The following DGKA variants were observed in gnomAD, a reference collection of about 807,000 sequenced individuals.
The protein encoded by DGKA is diacylglycerol kinase alpha, also known as 80 kDa diacylglycerol kinase.
DGKA carries 35 observed loss-of-function variants against 105.0 expected under a neutral mutation model. That is an observed-to-expected ratio of 0.33 (90% CI 0.25 to 0.44). The LOEUF is 0.44. DGKA is among the 20% of genes least tolerant of loss of function. The probability of loss-of-function intolerance (pLI) is 1.00; values close to 1 mark genes in which losing one functional copy is unlikely to be tolerated. For synonymous variants in DGKA, 296 were observed against 332.0 expected, an observed-to-expected ratio of 0.89 and a Z score of 1.18; for missense variants, 665 against 915.0, an observed-to-expected ratio of 0.73 and a Z score of 3.53.
intron 17 of DGKA, among the ~76,000 whole-genome samples, chr12:55,944,405 C>G (rs1369756302): frequency 6.6e-6 from 1 of 152,188 alleles, no homozygotes; most frequent in Non-Finnish European, 1.5e-5. Flanking sequence ...AAGATCGAGG[C>G]TGTAGTGAGC....
upstream of DGKA, chr12:55,929,164 G>C (rs1455541804): frequency 3.3e-5 from 5 of 152,154 alleles, no homozygotes; most frequent in Non-Finnish European, 7.3e-5. Flanking sequence ...TAAATAAAAA[G>C]TATTTGCATA....
chr12:55,952,692 A>T lies in DGKA; in HGVS notation c.1744-42A>T. The stretch of plus-strand genomic sequence containing the variant: ...TCTATGATCATGCCATGAGGTGAGG[A>T]TCTGTACCCTCCCTAACTGGGACTG... On this transcript the variant is annotated intron_variant, in intron 20 of 23. Coordinates refer to ENST00000331886, the MANE Select transcript of DGKA (RefSeq NM_001345.5). The surrounding 1 kb of genome is among the most constrained non-coding windows in gnomAD (Gnocchi z 5.1). 1 of 1,607,326 alleles carries T rather than the reference A, an allele frequency of 6.2e-7. No homozygotes were observed. Among genetic ancestry groups the T allele is most frequent in the Non-Finnish European group, 8.5e-7 (1 of 1,174,540 alleles).
chr12:55,938,331 C>T, intron 5 of DGKA, 180 bp from the exon 6 acceptor site: 1 of 802,886 alleles, frequency 1.2e-6, no homozygotes, highest in Non-Finnish European at 2.0e-6. Context: ...GACACATTCA[C>T]TGAGGGTAGA....
In DGKA at chr12:55,937,013, C is replaced by A; in HGVS notation, c.65-4C>A. 6.2e-7 allele frequency: 1 copy of A among 1,613,872 alleles called. No homozygotes were observed. The highest frequency in any genetic ancestry group is 1.1e-5 in the South Asian group (1 of 91,068). ...GCTGTTCTCTTACTCTCTCTACACC[C>A]TAGACTCCACCAAAAAGGTCAGTGA... On this transcript the variant is annotated splice_polypyrimidine_tract_variant and splice_region_variant and intron_variant, in intron 2 of 23. Transcript: ENST00000331886.
chr12:55,951,961 G>A (rs1269861558), intron 18 of DGKA, 74 bp from the exon 19 acceptor site: 1 of 1,573,388 alleles, frequency 6.4e-7, no homozygotes, highest in Non-Finnish European at 8.7e-7. Flanking sequence ...AGCAGCATGG[G>A]GACTTGGGAA....
upstream of DGKA, chr12:55,927,670 C>G (rs528099208): frequency 5.9e-6 from 9 of 1,534,210 alleles, no homozygotes; most frequent in Middle Eastern, 2.3e-4. Flanking sequence ...CCCACTCAAC[C>G]ACCAGAGACC....
At position 55,942,182 on chromosome 12, in the gene DGKA, AAC is replaced by A; in HGVS notation, c.1346_1347del (p.Asn449IlefsTer17). ...TTCACCTGCCTCCGCAGACAAAGCTAACTTGCCAGTTTTGCCTCCTGTTGCTG... is the reference window on the plus strand; with the variant it reads ...TTCACCTGCCTCCGCAGACAAAGCTATTGCCAGTTTTGCCTCCTGTTGCTG... ...GWILETIDKA[N>X]LPVLPPVAVL... On this transcript the variant is annotated frameshift_variant, in exon 17 of 24. Coordinates refer to ENST00000331886, the MANE Select transcript of DGKA (RefSeq NM_001345.5). LOFTEE classifies it high-confidence loss of function. 6.2e-7 allele frequency: 1 copy of A among 1,614,220 alleles called. No homozygotes were observed.
chr12:55,953,113 C>G lies in DGKA; in HGVS notation c.2016C>G (p.Leu672=), dbSNP rs369533907. The G allele has an allele frequency of 1.6e-5, 26 of 1,613,996 alleles. No homozygotes were observed. Among genetic ancestry groups the G allele is most frequent in the Non-Finnish European group, 1.9e-5 (22 of 1,180,040 alleles). ...AIEMGQIYTK[L]KNAGRRLAKC... is the part of the protein sequence containing the mutation. ...AGATGGGCCAAATCTATACCAAGCT[C>G]AAGAATGCTGGACGTCGGCTGGCCA... Residue 672 remains leucine (L), a synonymous_variant, in exon 22 of 24, where the codon CTC becomes CTG. Coordinates refer to ENST00000331886, the MANE Select transcript of DGKA (RefSeq NM_001345.5).
At chr12:55,928,055 T>A (rs1010257283), upstream of DGKA, 5 of 459,968 alleles carry the variant, frequency 1.1e-5, no homozygotes. Context: ...AGTCCTGCCC[T>A]GCGCCGTACC....
Position 55,940,031 on chromosome 12 carries a change from A to G in DGKA, c.710-51A>G. 1 of 1,509,130 alleles carries G rather than the reference A, an allele frequency of 6.6e-7. No homozygotes were observed. Among genetic ancestry groups the G allele is most frequent in the Non-Finnish European group, 9.2e-7 (1 of 1,085,382 alleles). The allele number at this position is 1,509,130 out of a possible 1,614,324, so 93.5% of individuals were successfully genotyped here. A position where few individuals can be genotyped will look rare whatever the true frequency, so the allele number is the denominator to read the frequency against. ...CTGCCTCACCCTCAGGTAAGAAGGA[A>G]ATAGGGGGAGAGGCTCAGCTAAGCC... On this transcript the variant is annotated intron_variant, in intron 9 of 23. Coordinates refer to ENST00000331886, the MANE Select transcript of DGKA (RefSeq NM_001345.5). This position sits in a 1 kb window ranked among gnomAD's most constrained non-coding sequence, Gnocchi z 4.3.
At chr12:55,927,337 C>G, upstream of DGKA, 1 of 750,938 alleles carries the variant, frequency 1.3e-6, no homozygotes, top group Non-Finnish European at 2.3e-6. Flanking sequence ...GCGCTTGCTG[C>G]CTGTAAAACA....
At chr12:55,944,246 G>A (rs1886568203) in intron 17 of DGKA, among the ~76,000 whole-genome samples, 1 of 152,188 alleles carries the variant, frequency 6.6e-6, no homozygotes, top group Non-Finnish European at 1.5e-5. Flanking sequence ...GCTGCAATGA[G>A]CTATGATTGG....
chr12:55,940,331 G>T lies in DGKA; in HGVS notation c.816G>T (p.Trp272Cys). Residue 272 changes from tryptophan to cysteine, a missense_variant, in exon 11 of 24, where the codon TGG becomes TGT. Trp to Cys is a radical substitution (Grantham distance 215, BLOSUM62 -2). This residue lies in a region of DGKA where 504 missense variants were observed against 681.2 expected (regional missense o/e 0.74). Coordinates refer to ENST00000331886, the MANE Select transcript of DGKA (RefSeq NM_001345.5). The surrounding 1 kb of genome is among the most constrained non-coding windows in gnomAD (Gnocchi z 4.3). Reference sequence around the variant, plus strand: ...TCCCCAAGGTCCAATCACATGTGTGGGTGCGAGGAGGCTGTGAGTCCGGGC... The same window carrying T: ...TCCCCAAGGTCCAATCACATGTGTGTGTGCGAGGAGGCTGTGAGTCCGGGC... Reference protein sequence around the residue: ...RKDIGVQSHVWVRGGCESGRC... With the variant: ...RKDIGVQSHVCVRGGCESGRC... 1 of 1,614,228 alleles carries T rather than the reference G, an allele frequency of 6.2e-7. No individual in the cohort carries two copies. The highest frequency in any genetic ancestry group is 8.5e-7 in the Non-Finnish European group (1 of 1,180,036).
chr12:55,945,691 A>G (rs1886847195), intron 17 of DGKA, among the ~76,000 whole-genome samples: 1 of 151,826 alleles, frequency 6.6e-6, no homozygotes, highest in African/African-American at 2.4e-5. Context: ...ATCTCCTTTT[A>G]CAACTCTTTT....
At chr12:55,942,929 G>GT (rs780613418) in intron 17 of DGKA, among the ~76,000 whole-genome samples, 5 of 152,142 alleles carry the variant, frequency 3.3e-5, no homozygotes, top group Non-Finnish European at 5.9e-5. Context: ...AGGAAGTAGT[G>GT]TAAGGCCAGA....
At chr12:55,947,766 C>A (rs1887328367) in intron 17 of DGKA, among the ~76,000 whole-genome samples, 1 of 152,064 alleles carries the variant, frequency 6.6e-6, no homozygotes, top group Non-Finnish European at 1.5e-5. Flanking sequence ...ATTGCTTACT[C>A]GGAGAATATG....
intron 17 of DGKA, chr12:55,942,516 C>T (rs1413041948): frequency 9.0e-6 from 4 of 444,102 alleles, no homozygotes; most frequent in African/African-American, 2.0e-5. Context: ...TCCCAACCAA[C>T]TCTTATGGCT....
In DGKA at chr12:55,932,986, T is replaced by G; in HGVS notation, c.-82+1642T>G. On this transcript the variant is annotated intron_variant, in intron 1 of 23. Coordinates refer to ENST00000331886, the MANE Select transcript of DGKA (RefSeq NM_001345.5). This position sits in a 1 kb window ranked among gnomAD's most constrained non-coding sequence, Gnocchi z 4.3. ...CTCAATATTCTGGAGACATAGCTAT[T>G]TCCTGAGTAATGGTCGACTTAAAGG... The G allele has an allele frequency of 5.7e-6, 1 of 175,226 alleles. No homozygotes were observed. Among genetic ancestry groups the G allele is most frequent in the Non-Finnish European group, 1.2e-5 (1 of 82,828 alleles). 10.9% of individuals were successfully genotyped at this position (175,226 alleles called of 1,614,324 possible).
intron 17 of DGKA, among the ~76,000 whole-genome samples, chr12:55,950,574 G>A (rs1490346870): frequency 6.6e-6 from 1 of 152,102 alleles, no homozygotes; most frequent in Non-Finnish European, 1.5e-5. Flanking sequence ...CCAAAGTACT[G>A]GGATTACAGG....
Sources: allele counts gnomAD v4.1 joint callset (sites outside exome capture counted in the v4.1 genomes callset), GRCh38; gene constraint gnomAD v4.1.1; regional missense constraint gnomAD v4.1.1; non-coding constraint Gnocchi (gnomAD v3.1); transcripts MANE v1.5; gene names NCBI Gene and HGNC (gene_info 2026-07-23, HGNC 2026-07-21).